The following MSRB3 variants were observed in gnomAD, a reference collection of about 807,000 sequenced individuals.
MSRB3 encodes methionine sulfoxide reductase B3, also known as methionine-R-sulfoxide reductase B3.
In MSRB3, 13 loss-of-function variants were observed where a neutral mutation model predicts 21.0. That is an observed-to-expected ratio of 0.62 (90% confidence interval 0.40 to 0.98). The LOEUF is 0.98. Ranked by LOEUF, MSRB3 falls within the 50% of genes least tolerant of loss-of-function variation. The pLI, the probability that MSRB3 is intolerant of heterozygous loss-of-function variation, is 0.00. For synonymous variants in MSRB3, 87 were observed against 88.6 expected (o/e 0.98, Z 0.10); for missense variants, 199 against 230.3 (o/e 0.86, Z 0.88).
At chr12:65,287,865 A>T (rs1872464839) in intron 1 of MSRB3, among the ~76,000 whole-genome samples, 1 of 152,178 alleles carries the variant, frequency 6.6e-6, no homozygotes, top group African/African-American at 2.4e-5. Flanking sequence ...GAGTCAGTGT[A>T]GTATTATGAA....
At chr12:65,403,825 G>T (rs968110898) in intron 5 of MSRB3, among the ~76,000 whole-genome samples, 1 of 152,104 alleles carries the variant, frequency 6.6e-6, no homozygotes, top group African/African-American at 2.4e-5. Flanking sequence ...TCCTCATGGC[G>T]CAGTCCCTCA....
chr12:65,328,109 A>G (rs966050203), intron 3 of MSRB3, among the ~76,000 whole-genome samples: 1 of 152,196 alleles, frequency 6.6e-6, no homozygotes, highest in African/African-American at 2.4e-5. Flanking sequence ...AAGCTGCAAT[A>G]TTCCTTTTCA....
At chr12:65,438,507 C>T (rs1001560937) in intron 5 of MSRB3, among the ~76,000 whole-genome samples, 3 of 151,740 alleles carry the variant, frequency 2.0e-5, no homozygotes, top group African/African-American at 4.8e-5. Context: ...ATGATACTCC[C>T]GAACTTTAAG....
intron 5 of MSRB3, among the ~76,000 whole-genome samples, chr12:65,377,438 C>A (rs1341034478): frequency 2.0e-5 from 3 of 151,926 alleles, no homozygotes; most frequent in Non-Finnish European, 4.4e-5. Flanking sequence ...TCCTCCGTCC[C>A]CCGCCCTTCT....
At chr12:65,449,590 A>G (rs1282517898) in intron 5 of MSRB3, among the ~76,000 whole-genome samples, 1 of 152,150 alleles carries the variant, frequency 6.6e-6, no homozygotes, top group Non-Finnish European at 1.5e-5. Flanking sequence ...CATCACCCAA[A>G]CCCAGTGGGA....
chr12:65,338,734 C>G (rs1473616787), intron 4 of MSRB3, among the ~76,000 whole-genome samples: 1 of 152,030 alleles, frequency 6.6e-6, no homozygotes, highest in Non-Finnish European at 1.5e-5. Context: ...ATAAAATGTC[C>G]ACGTTTTTCC....
intron 5 of MSRB3, among the ~76,000 whole-genome samples, chr12:65,409,116 TTA>T (rs377364722): frequency 0.011 from 1,671 of 150,502 alleles, 19 homozygotes; most frequent in Non-Finnish European, 0.015. Context: ...CAGCAATATA[TTA>T]TATATATATA....
chr12:65,333,149 C>A (rs1298887818), intron 4 of MSRB3, among the ~76,000 whole-genome samples: 1 of 152,072 alleles, frequency 6.6e-6, no homozygotes, highest in African/African-American at 2.4e-5. Flanking sequence ...TTATATTTTG[C>A]TTTGGTTGAC....
At chr12:65,350,041 A>T (rs1426464599) in intron 4 of MSRB3, among the ~76,000 whole-genome samples, 4 of 152,084 alleles carry the variant, frequency 2.6e-5, no homozygotes, top group Non-Finnish European at 2.9e-5. Context: ...TTATGGTTTT[A>T]GGTCTAACAT....
chr12:65,423,755 AT>A (rs1199943565), intron 5 of MSRB3, among the ~76,000 whole-genome samples: 2 of 152,132 alleles, frequency 1.3e-5, no homozygotes, highest in African/African-American at 4.8e-5. Context: ...TTTGTTTAGA[AT>A]TTGTATATCT....
chr12:65,348,457 T>A (rs1475333791), intron 4 of MSRB3, among the ~76,000 whole-genome samples: 4 of 152,138 alleles, frequency 2.6e-5, no homozygotes, highest in Non-Finnish European at 5.9e-5. Context: ...TTTTATTGCA[T>A]CTATTTGATT....
At chr12:65,392,944 C>G (rs1879563089) in intron 5 of MSRB3, among the ~76,000 whole-genome samples, 1 of 152,078 alleles carries the variant, frequency 6.6e-6, no homozygotes, top group Admixed American at 6.5e-5. Flanking sequence ...GAAAGATGTA[C>G]TTTAACAGCT....
intron 4 of MSRB3, among the ~76,000 whole-genome samples, chr12:65,347,530 A>G (rs1876602698): frequency 6.6e-6 from 1 of 152,204 alleles, no homozygotes; most frequent in Non-Finnish European, 1.5e-5. Context: ...GTCATCTGCA[A>G]ACAGGGACAA....
intron 1 of MSRB3, among the ~76,000 whole-genome samples, chr12:65,304,469 A>C (rs1210147645): frequency 1.3e-5 from 2 of 152,224 alleles, no homozygotes; most frequent in African/African-American, 4.8e-5. Flanking sequence ...AGGAAGATTC[A>C]TGAGACATCT....
intron 2 of MSRB3, among the ~76,000 whole-genome samples, chr12:65,319,250 T>G (rs1874507443): frequency 6.6e-6 from 1 of 152,168 alleles, no homozygotes; most frequent in South Asian, 2.1e-4. Flanking sequence ...GTTTCTTTTT[T>G]GGTTTGTTAA....
chr12:65,443,073 C>T (rs75117588), intron 5 of MSRB3, among the ~76,000 whole-genome samples: 3,013 of 152,014 alleles, frequency 0.02, 102 homozygotes, highest in African/African-American at 0.07. Context: ...TAGGAGTTGC[C>T]GAGACATTTT....
chr12:65,322,292 A>G (rs1213180841), intron 2 of MSRB3, among the ~76,000 whole-genome samples: 2 of 152,142 alleles, frequency 1.3e-5, no homozygotes, highest in East Asian at 3.8e-4. Context: ...TTATTTTGTT[A>G]GTTTTTAAGC....
chr12:65,422,611 G>A (rs2136646941), intron 5 of MSRB3, among the ~76,000 whole-genome samples: 1 of 150,984 alleles, frequency 6.6e-6, no homozygotes, highest in South Asian at 2.1e-4. Flanking sequence ...TTGAAATTTT[G>A]ATGGTGATTG....
chr12:65,374,695 T>C (rs1295779616), intron 5 of MSRB3, among the ~76,000 whole-genome samples: 2 of 152,194 alleles, frequency 1.3e-5, no homozygotes, highest in East Asian at 1.9e-4. Context: ...AGTGACATTT[T>C]CCATTTGATT....
Sources: allele counts gnomAD v4.1 joint callset (sites outside exome capture counted in the v4.1 genomes callset), GRCh38; gene constraint gnomAD v4.1.1; transcripts MANE v1.5; gene names NCBI Gene and HGNC (gene_info 2026-07-23, HGNC 2026-07-21).